The following ACSF3 variants were observed in gnomAD, a reference collection of about 807,000 sequenced individuals.
ACSF3 encodes acyl-CoA synthetase family member 3.
In ACSF3, 78 loss-of-function variants were observed where a neutral mutation model predicts 53.2. The observed-to-expected ratio is 1.47, with a 90% CI of 1.22 to 1.77. The LOEUF (loss-of-function observed/expected upper bound fraction) is 1.77, where lower values mean the gene tolerates loss of function less well. ACSF3 is among the 40% of genes most tolerant of loss of function. The probability of loss-of-function intolerance (pLI) is 0.00; values close to 1 mark genes in which losing one functional copy is unlikely to be tolerated. For missense variants in ACSF3, 937 were observed against 771.1 expected (o/e 1.22, Z -2.55); for synonymous variants, 414 against 333.1 (o/e 1.24, Z -2.65).
chr16:89,112,529 CTT>C (rs1440325811), intron 5 of ACSF3, among the ~76,000 whole-genome samples: 2 of 152,106 alleles, frequency 1.3e-5, no homozygotes, highest in South Asian at 2.1e-4. Flanking sequence ...CTCTGTCTCT[CTT>C]TGTCTCTCTC....
Position 89,112,260 on chromosome 16 carries a change from G to T in ACSF3, c.977+14G>T. 1 of 1,613,924 alleles carries T rather than the reference G, an allele frequency of 6.2e-7. No homozygotes were observed. The highest frequency in any genetic ancestry group is 8.5e-7 in the Non-Finnish European group (1 of 1,179,900). ...AGAAAAAATTAGGTAAGTGAAAAGA[G>T]CCCACTTTCTCGTTCAGAAAGTCTT... On this transcript the variant is annotated intron_variant, in intron 5 of 10. Coordinates refer to ENST00000614302, the MANE Select transcript of ACSF3 (RefSeq NM_001243279.3).
intron 8 of ACSF3, among the ~76,000 whole-genome samples, chr16:89,133,683 C>G (rs1909818876): frequency 1.3e-5 from 2 of 152,264 alleles, no homozygotes; most frequent in South Asian, 4.1e-4. Context: ...CACCCCCACG[C>G]TTAGCCACAC....
intron 1 of ACSF3, among the ~76,000 whole-genome samples, chr16:89,098,209 T>C (rs1400246939): frequency 6.6e-6 from 1 of 152,266 alleles, no homozygotes; most frequent in Non-Finnish European, 1.5e-5. Context: ...TGTCATGAAG[T>C]TTGTTTTGTT....
intron 4 of ACSF3, among the ~76,000 whole-genome samples, chr16:89,103,824 G>A (rs1424859239): frequency 6.6e-6 from 1 of 152,224 alleles, no homozygotes; most frequent in Non-Finnish European, 1.5e-5. Context: ...AGGCAGGGAG[G>A]GAAGGACGCG....
chr16:89,137,171 C>T (rs1157267651), intron 8 of ACSF3, among the ~76,000 whole-genome samples: 1 of 152,186 alleles, frequency 6.6e-6, no homozygotes, highest in African/African-American at 2.4e-5. Flanking sequence ...TGAATGGCGT[C>T]TTAGGCTCCA....
chr16:89,120,754 G>T (rs781426204), intron 6 of ACSF3, 47 bp from the exon 7 acceptor site: 1 of 1,568,622 alleles, frequency 6.4e-7, no homozygotes, highest in Admixed American at 1.7e-5. Context: ...TCTCCTCCAG[G>T]TTCCTCTCAC....
At chr16:89,097,794 G>A (rs1974796556) in intron 1 of ACSF3, among the ~76,000 whole-genome samples, 1 of 152,190 alleles carries the variant, frequency 6.6e-6, no homozygotes. Context: ...GAACATGGGT[G>A]CCTCGCGTCA....
chr16:89,128,512 G>A (rs1357877127), intron 7 of ACSF3, among the ~76,000 whole-genome samples: 2 of 151,872 alleles, frequency 1.3e-5, no homozygotes, highest in African/African-American at 4.8e-5. Context: ...CACCCACCTC[G>A]GCTTCCCAAA....
intron 8 of ACSF3, among the ~76,000 whole-genome samples, chr16:89,138,953 C>G (rs1008761696): frequency 1.3e-5 from 2 of 152,132 alleles, no homozygotes; most frequent in Non-Finnish European, 2.9e-5. Context: ...CAGCCGTGCC[C>G]CTTCCCCAGA....
chr16:89,105,238 C>G (rs11076766), intron 4 of ACSF3, among the ~76,000 whole-genome samples: 2 of 152,068 alleles, frequency 1.3e-5, no homozygotes, highest in Non-Finnish European at 2.9e-5. Context: ...GCAGACACTG[C>G]GGCTGCCTCA....
chr16:89,116,738 C>T, intron 6 of ACSF3, among the ~76,000 whole-genome samples: 1 of 152,122 alleles, frequency 6.6e-6, no homozygotes, highest in East Asian at 1.9e-4. Context: ...GTCTCAGACC[C>T]CAGGAAACCG....
intron 7 of ACSF3, among the ~76,000 whole-genome samples, chr16:89,131,472 G>C (rs1035304037): frequency 7.2e-5 from 11 of 152,028 alleles, no homozygotes; most frequent in African/African-American, 2.4e-4. Flanking sequence ...TTGTCTCAGT[G>C]CTGTTGTATT....
intron 3 of ACSF3, 123 bp from the exon 4 acceptor site, chr16:89,102,481 C>G (rs1018421597): frequency 2.0e-5 from 23 of 1,156,892 alleles, no homozygotes; most frequent in South Asian, 1.6e-4. Context: ...AAAGAGCCAG[C>G]CTTCTCCTTC....
intron 6 of ACSF3, among the ~76,000 whole-genome samples, chr16:89,116,722 A>T (rs954376164): frequency 1.3e-5 from 2 of 152,076 alleles, no homozygotes; most frequent in Admixed American, 6.5e-5. Flanking sequence ...TGAGAAATAC[A>T]TCCTAGTCTC....
chr16:89,136,489 G>A (rs544691543), intron 8 of ACSF3: 24 of 1,214,964 alleles, frequency 2.0e-5, no homozygotes, highest in Middle Eastern at 3.6e-4. Context: ...CGCTCCTGCC[G>A]GGAGAGCATG....
intron 7 of ACSF3, among the ~76,000 whole-genome samples, chr16:89,131,121 CTTTTTCTTTTTTTTT>C (rs1178780668): frequency 4.6e-4 from 53 of 114,934 alleles, no homozygotes; most frequent in African/African-American, 1.6e-3. Flanking sequence ...TTTTCTTTTT[CTTTTTCTTTTTTTTT>C]TTTTTTTTTT....
At chr16:89,116,750 C>T (rs770044368) in intron 6 of ACSF3, among the ~76,000 whole-genome samples, 34 of 152,160 alleles carry the variant, frequency 2.2e-4, no homozygotes, top group African/African-American at 8.2e-4. Flanking sequence ...AGGAAACCGC[C>T]GTCAGTGCTG....
chr16:89,108,965 G>A (rs905315868), intron 4 of ACSF3, among the ~76,000 whole-genome samples: 38 of 152,096 alleles, frequency 2.5e-4, no homozygotes. Flanking sequence ...GGGCACGGTG[G>A]CTCACACCTG....
chr16:89,112,732 G>C (rs545666220), intron 5 of ACSF3, among the ~76,000 whole-genome samples: 1 of 151,942 alleles, frequency 6.6e-6, no homozygotes, highest in South Asian at 2.1e-4. Flanking sequence ...TCTCTCTCCT[G>C]TCCGTCTCTC....
Sources: gnomAD v4.1 joint callset for allele counts (sites outside exome capture counted in the v4.1 genomes callset) on GRCh38, gnomAD v4.1.1 for gene constraint, MANE v1.5 for transcripts, NCBI Gene and HGNC (gene_info 2026-07-23, HGNC 2026-07-21) for gene names.